The following SLC6A5 variants were observed in gnomAD, a reference collection of about 807,000 sequenced individuals.
SLC6A5 encodes solute carrier family 6 member 5.
SLC6A5 carries 58 observed loss-of-function variants against 90.5 expected under a neutral mutation model. The observed-to-expected ratio is 0.64, with a 90% CI of 0.52 to 0.80. The LOEUF is 0.80. Among genes scored for constraint, SLC6A5 ranks in the 30% least tolerant of loss-of-function variants. The pLI, the probability that SLC6A5 is intolerant of heterozygous loss-of-function variation, is 0.00. For missense variants in SLC6A5, 1,015 were observed against 1,017.6 expected, an observed-to-expected ratio of 1.00 and a Z score of 0.03; for synonymous variants, 427 against 401.4, an observed-to-expected ratio of 1.06 and a Z score of -0.76.
chr11:20,653,847 C>T (rs934087338), intron 15 of SLC6A5, among the ~76,000 whole-genome samples: 1 of 152,110 alleles, frequency 6.6e-6, no homozygotes, highest in Non-Finnish European at 1.5e-5. Flanking sequence ...TTGTCTTAGG[C>T]TAAAATTCTC....
intron 6 of SLC6A5, among the ~76,000 whole-genome samples, chr11:20,616,592 G>A (rs904932799): frequency 6.6e-6 from 1 of 152,144 alleles, no homozygotes; most frequent in Non-Finnish European, 1.5e-5. Context: ...TTGGGCATGG[G>A]ACATGGGGAA....
chr11:20,640,870 C>T (rs1174655609), intron 13 of SLC6A5, among the ~76,000 whole-genome samples: 2 of 152,056 alleles, frequency 1.3e-5, no homozygotes, highest in African/African-American at 4.8e-5. Context: ...GATGTGCTAC[C>T]TTCCTAGCCA....
At chr11:20,630,025 G>T (rs752560076) in intron 9 of SLC6A5, among the ~76,000 whole-genome samples, 1 of 152,110 alleles carries the variant, frequency 6.6e-6, no homozygotes, top group Non-Finnish European at 1.5e-5. Flanking sequence ...GCCCGGCTGG[G>T]ATGGTTGTTA....
At chr11:20,617,726 C>A (rs751851247) in intron 6 of SLC6A5, 26 bp from the exon 7 acceptor site, 1 of 1,608,412 alleles carries the variant, frequency 6.2e-7, no homozygotes, top group Non-Finnish European at 8.5e-7. Flanking sequence ...TCTATCACTC[C>A]CCCCATCCCT....
chr11:20,619,713 A>G (rs572320296), intron 7 of SLC6A5, among the ~76,000 whole-genome samples: 1 of 152,196 alleles, frequency 6.6e-6, no homozygotes, highest in East Asian at 1.9e-4. Flanking sequence ...GGTGAGGGTA[A>G]TTGGACTGGG....
chr11:20,606,088 C>T (rs1852575712), intron 3 of SLC6A5, among the ~76,000 whole-genome samples: 1 of 152,368 alleles, frequency 6.6e-6, no homozygotes, highest in African/African-American at 2.4e-5. Context: ...CTGGCCCATG[C>T]AGCAGCATGT....
At chr11:20,646,028 A>T (rs556239607) in intron 13 of SLC6A5, among the ~76,000 whole-genome samples, 2 of 152,262 alleles carry the variant, frequency 1.3e-5, no homozygotes, top group East Asian at 3.9e-4. Flanking sequence ...TCCATTCAAC[A>T]TCTTAATCCC....
rs1486390931 is a variant in SLC6A5, at chr11:20,601,685, G to A, written c.540+20G>A. 5 of 1,609,134 alleles carry A rather than the reference G, an allele frequency of 3.1e-6. No homozygotes were observed. The South Asian group carries it at 3.3e-5, about 11-fold the overall frequency. On this transcript the variant is annotated intron_variant, in intron 2 of 15. Transcript: ENST00000525748. ...ACCCAGGTAAGCAGGTTGCATTACG[G>A]CCCGCACAGTGTCCTGCTCTCCAGC...
chr11:20,650,693 G>C (rs1221123569), intron 14 of SLC6A5, among the ~76,000 whole-genome samples: 3 of 120,866 alleles, frequency 2.5e-5, no homozygotes, highest in Admixed American at 1.2e-4. Context: ...TTGAGATGGA[G>C]TCTCGCTCTG....
intron 7 of SLC6A5, among the ~76,000 whole-genome samples, chr11:20,622,344 T>C (rs1852907907): frequency 6.6e-6 from 1 of 152,138 alleles, no homozygotes; most frequent in Non-Finnish European, 1.5e-5. Context: ...GTGTGCAAAA[T>C]TGAGAGGCGC....
At chr11:20,615,059 A>G (rs976853224) in intron 6 of SLC6A5, among the ~76,000 whole-genome samples, 2 of 152,212 alleles carry the variant, frequency 1.3e-5, no homozygotes, top group Non-Finnish European at 2.9e-5. Flanking sequence ...GATGCTGATG[A>G]AAAGCCCATT....
intron 6 of SLC6A5, among the ~76,000 whole-genome samples, chr11:20,616,302 A>AACTCTGGTACTGAGC (rs1170334258): frequency 3.3e-5 from 5 of 152,198 alleles, no homozygotes; most frequent in African/African-American, 1.2e-4. Context: ...AGCACTGAGC[A>AACTCTGGTACTGAGC]ACTGAGTCTG....
intron 6 of SLC6A5, 101 bp from the exon 7 acceptor site, chr11:20,617,651 T>C: frequency 1.9e-6 from 2 of 1,031,690 alleles, no homozygotes; most frequent in Non-Finnish European, 1.5e-6. Flanking sequence ...TGGGGTTTTG[T>C]GCAAGCCTCC....
At chr11:20,610,340 GGAGC>G in intron 5 of SLC6A5, among the ~76,000 whole-genome samples, 1 of 152,210 alleles carries the variant, frequency 6.6e-6, no homozygotes, top group Admixed American at 6.5e-5. Context: ...TTGGGGCTGC[GGAGC>G]GAGCGAGCGG....
chr11:20,608,449 ACT>A (rs1406371595), intron 5 of SLC6A5, among the ~76,000 whole-genome samples: 2 of 152,096 alleles, frequency 1.3e-5, no homozygotes, highest in African/African-American at 4.8e-5. Flanking sequence ...GGGTCAAGTA[ACT>A]CTCTCTGGAT....
rs1853620612 is a variant in SLC6A5, at chr11:20,655,170, T to C, written c.*302T>C. On this transcript the variant is annotated 3_prime_UTR_variant, in exon 16 of 16. Transcript: ENST00000525748. ...TCAGTTAGGTGAGCACTGGTAGGTATGCGTGGTTTTGTCAATAGAGAGGTA... is the reference window on the plus strand; with the variant it reads ...TCAGTTAGGTGAGCACTGGTAGGTACGCGTGGTTTTGTCAATAGAGAGGTA... 5.0e-6 allele frequency: 2 copies of C among 402,504 alleles called. No individual in the cohort carries two copies. The highest frequency in any genetic ancestry group is 2.1e-5 in the South Asian group (1 of 48,230). 24.9% of individuals were successfully genotyped at this position (402,504 alleles called of 1,614,324 possible).
chr11:20,606,290 G>T (rs909365532), intron 3 of SLC6A5, among the ~76,000 whole-genome samples: 2 of 152,226 alleles, frequency 1.3e-5, no homozygotes, highest in Non-Finnish European at 2.9e-5. Context: ...GGGCTCACAG[G>T]CTGAATAAGA....
At chr11:20,614,241 C>G (rs1288887146) in intron 5 of SLC6A5, among the ~76,000 whole-genome samples, 1 of 152,166 alleles carries the variant, frequency 6.6e-6, no homozygotes, top group East Asian at 1.9e-4. Flanking sequence ...TTATTTTCTG[C>G]AGAGTCATAA....
chr11:20,638,396 C>G (rs1419214094), intron 12 of SLC6A5, 63 bp from the exon 13 acceptor site: 1 of 994,332 alleles, frequency 1.0e-6, no homozygotes, highest in Non-Finnish European at 1.6e-6. Context: ...GGCTGTTAAA[C>G]GTGGGAAGAG....
Sources: gnomAD v4.1 joint callset for allele counts (sites outside exome capture counted in the v4.1 genomes callset) on GRCh38, gnomAD v4.1.1 for gene constraint, MANE v1.5 for transcripts, NCBI Gene and HGNC (gene_info 2026-07-23, HGNC 2026-07-21) for gene names.